The following PTPRT variants were observed in gnomAD, a reference collection of about 807,000 sequenced individuals.
PTPRT encodes receptor-type tyrosine-protein phosphatase T.
In PTPRT, 56 loss-of-function variants were observed where a neutral mutation model predicts 176.8. The ratio of observed to expected loss-of-function variants is 0.32; its 90% CI spans 0.26 to 0.40. The LOEUF is 0.40. Among genes scored for constraint, PTPRT ranks in the 10% least tolerant of loss-of-function variants. The pLI is 1.00. For synonymous variants in PTPRT, 783 were observed against 739.0 expected, an observed-to-expected ratio of 1.06 and a Z score of -0.96; for missense variants, 1,540 against 1,908.2, an observed-to-expected ratio of 0.81 and a Z score of 3.60.
At chr20:42,306,840 A>G (rs2057550358) in intron 12 of PTPRT, among the ~76,000 whole-genome samples, 1 of 152,170 alleles carries the variant, frequency 6.6e-6, no homozygotes, top group African/African-American at 2.4e-5. Context: ...TCCCTCCTTC[A>G]GTGTGAAGTA....
chr20:42,844,931 C>G (rs551359834), intron 2 of PTPRT, among the ~76,000 whole-genome samples: 3 of 152,318 alleles, frequency 2.0e-5, no homozygotes, highest in East Asian at 3.9e-4. Flanking sequence ...TCTCCCAGCA[C>G]CTTCTGCCAA....
At chr20:42,409,775 T>C (rs1224418152) in intron 9 of PTPRT, among the ~76,000 whole-genome samples, 1 of 152,224 alleles carries the variant, frequency 6.6e-6, no homozygotes, top group Non-Finnish European at 1.5e-5. Context: ...TCTATCTTTG[T>C]AAAGTTTTGT....
At chr20:42,776,485 T>C (rs1244410119) in intron 4 of PTPRT, among the ~76,000 whole-genome samples, 3 of 152,202 alleles carry the variant, frequency 2.0e-5, no homozygotes, top group African/African-American at 7.2e-5. Flanking sequence ...GGAATGACCA[T>C]GTGAAGCCTC....
intron 15 of PTPRT, among the ~76,000 whole-genome samples, chr20:42,208,328 A>C (rs1457935979): frequency 2.0e-5 from 3 of 151,342 alleles, no homozygotes; most frequent in African/African-American, 7.3e-5. Flanking sequence ...AAATGCTCCA[A>C]TTAAAAGACA....
intron 1 of PTPRT, among the ~76,000 whole-genome samples, chr20:43,180,620 T>G (rs1305627302): frequency 6.6e-6 from 1 of 152,026 alleles, no homozygotes; most frequent in Non-Finnish European, 1.5e-5. Context: ...CACACCATCA[T>G]GCCCAGCTAA....
intron 7 of PTPRT, among the ~76,000 whole-genome samples, chr20:42,533,104 G>A (rs915160454): frequency 6.6e-6 from 1 of 152,160 alleles, no homozygotes; most frequent in Non-Finnish European, 1.5e-5. Context: ...CCGCCAGGTT[G>A]CCCTGCTGCA....
chr20:42,876,276 A>G (rs1600505507), intron 2 of PTPRT, among the ~76,000 whole-genome samples: 1 of 152,326 alleles, frequency 6.6e-6, no homozygotes, highest in East Asian at 1.9e-4. Flanking sequence ...AAACCAATCA[A>G]TAATAATATC....
intron 11 of PTPRT, among the ~76,000 whole-genome samples, chr20:42,345,809 T>C (rs1289149521): frequency 6.6e-6 from 1 of 151,912 alleles, no homozygotes; most frequent in African/African-American, 2.4e-5. Context: ...GAAGGAACTA[T>C]ATAGGTCACT....
rs1205288789 is a variant in PTPRT, at chr20:42,618,499, T to C, written c.1153+59367A>G. 1.5e-5 allele frequency among the ~76,000 whole-genome samples: 2 copies of C among 134,898 alleles called. 1 individual carries two copies. The highest frequency in any genetic ancestry group is 6.7e-5 in the African/African-American group (2 of 29,804). The allele number at this position is 134,898 out of a possible 152,430, so 88.5% of individuals were successfully genotyped here. A position where few individuals can be genotyped will look rare whatever the true frequency, so the allele number is the denominator to read the frequency against. On this transcript the variant is annotated intron_variant, in intron 7 of 30. Transcript: ENST00000373187. ...GAGTTCAATTCCTGGGTATCCTTGTTGACTTTCTGTCCGTTGATCTGTCTA... is the reference window on the plus strand; with the variant it reads ...GAGTTCAATTCCTGGGTATCCTTGTCGACTTTCTGTCCGTTGATCTGTCTA...
intron 1 of PTPRT, among the ~76,000 whole-genome samples, chr20:42,935,404 C>T (rs1421939495): frequency 6.6e-6 from 1 of 151,968 alleles, no homozygotes; most frequent in African/African-American, 2.4e-5. Context: ...CGTCCAAAAG[C>T]AATGGGATTA....
At chr20:42,773,557 C>G (rs370482185) in intron 4 of PTPRT, among the ~76,000 whole-genome samples, 1 of 152,132 alleles carries the variant, frequency 6.6e-6, no homozygotes, top group East Asian at 1.9e-4. Flanking sequence ...TGTCAAGGAC[C>G]CAAGGCCCGG....
intron 1 of PTPRT, among the ~76,000 whole-genome samples, chr20:43,163,471 T>C (rs1355461506): frequency 6.6e-6 from 1 of 152,056 alleles, no homozygotes; most frequent in Non-Finnish European, 1.5e-5. Context: ...ACCCCGTCTC[T>C]ACTAAAAATA....
intron 6 of PTPRT, among the ~76,000 whole-genome samples, chr20:42,749,410 CA>C (rs559803795): frequency 5.2e-4 from 79 of 152,176 alleles, no homozygotes; most frequent in Non-Finnish European, 9.6e-4. Context: ...AGACTGCGCT[CA>C]TTGTTCCAAC....
intron 6 of PTPRT, among the ~76,000 whole-genome samples, chr20:42,746,608 T>G (rs567006412): frequency 1.4e-5 from 2 of 146,222 alleles, no homozygotes; most frequent in African/African-American, 5.4e-5. Context: ...CTATGTGTTC[T>G]TGACAATAGC....
chr20:42,174,370 C>A (rs1185252855), intron 16 of PTPRT, among the ~76,000 whole-genome samples: 1 of 151,954 alleles, frequency 6.6e-6, no homozygotes, highest in East Asian at 1.9e-4. Flanking sequence ...GAGGAAGGAT[C>A]TGAGTTATAG....
chr20:42,412,883 C>T (rs1054299002), intron 9 of PTPRT, among the ~76,000 whole-genome samples: 5 of 151,922 alleles, frequency 3.3e-5, no homozygotes, highest in Admixed American at 6.6e-5. Flanking sequence ...TTTTCAGGGC[C>T]GAGCACAGGG....
chr20:42,196,255 G>T (rs1226265786), intron 16 of PTPRT, among the ~76,000 whole-genome samples: 3 of 152,154 alleles, frequency 2.0e-5, no homozygotes. Context: ...GAACTTCTCT[G>T]CCCCAGAGCC....
intron 7 of PTPRT, among the ~76,000 whole-genome samples, chr20:42,610,379 G>GTTTTTTTTTTTTTTTTTTTTT (rs74271793): frequency 7.3e-6 from 1 of 136,432 alleles, no homozygotes; most frequent in Non-Finnish European, 1.6e-5. Flanking sequence ...TACTTGTTTT[G>GTTTTTTTTTTTTTTTTTTTTT]TTTTTTTTTT....
chr20:42,689,446 T>A (rs975095852), intron 6 of PTPRT, among the ~76,000 whole-genome samples: 2 of 152,234 alleles, frequency 1.3e-5, no homozygotes. Context: ...GGATAAAACC[T>A]CGCACTCATC....
Sources: gnomAD v4.1 joint callset for allele counts (sites outside exome capture counted in the v4.1 genomes callset) on GRCh38, gnomAD v4.1.1 for gene constraint, MANE v1.5 for transcripts, NCBI Gene and HGNC (gene_info 2026-07-23, HGNC 2026-07-21) for gene names.